The following ANKRD18B variants were observed in gnomAD, a reference collection of about 807,000 sequenced individuals.
ANKRD18B encodes the protein ankyrin repeat domain 18B, also known as ankyrin repeat domain-containing protein 18B.
Under a neutral mutation model 111.8 loss-of-function variants are expected in ANKRD18B, and 75 were observed. The ratio of observed to expected loss-of-function variants is 0.67; its 90% CI spans 0.56 to 0.81. The LOEUF (loss-of-function observed/expected upper bound fraction) is 0.81, where lower values mean the gene tolerates loss of function less well. ANKRD18B is among the 40% of genes least tolerant of loss of function. The pLI is 0.00. For synonymous variants in ANKRD18B, 356 were observed against 417.3 expected (o/e 0.85, Z 1.79); for missense variants, 1,038 against 1,225.5 (o/e 0.85, Z 2.28).
chr9:33,550,959 T>C (rs144395170), intron 12 of ANKRD18B, among the ~76,000 whole-genome samples: 33 of 152,330 alleles, frequency 2.2e-4, no homozygotes, highest in African/African-American at 7.5e-4. Flanking sequence ...AGTTGTCTTA[T>C]TTCTTCACTT....
At chr9:33,559,914 A>G (rs940279735) in intron 14 of ANKRD18B, among the ~76,000 whole-genome samples, 4 of 152,214 alleles carry the variant, frequency 2.6e-5, no homozygotes, top group African/African-American at 7.2e-5. Context: ...GAACACTTTC[A>G]TCACCTTAAA....
At chr9:33,546,174 A>G (rs554125943) in intron 10 of ANKRD18B, among the ~76,000 whole-genome samples, 1 of 152,338 alleles carries the variant, frequency 6.6e-6, no homozygotes, top group Non-Finnish European at 1.5e-5. Flanking sequence ...GTGGGAGGAA[A>G]GCAATGACTG....
At chr9:33,534,155 A>C (rs1039165546) in intron 4 of ANKRD18B, among the ~76,000 whole-genome samples, 4 of 152,176 alleles carry the variant, frequency 2.6e-5, no homozygotes, top group African/African-American at 7.2e-5. Context: ...TGGGACACGA[A>C]GCTTGCTTGT....
intron 17 of ANKRD18B, among the ~76,000 whole-genome samples, chr9:33,570,857 C>T (rs749404171): frequency 6.6e-6 from 1 of 152,012 alleles, no homozygotes; most frequent in Non-Finnish European, 1.5e-5. Context: ...AGGATGGTCG[C>T]GATCTCTTGA....
At chr9:33,524,855 T>G (rs1828004358) in intron 1 of ANKRD18B, among the ~76,000 whole-genome samples, 160 bp downstream of exon 1, 1 of 152,248 alleles carries the variant, frequency 6.6e-6, no homozygotes, top group African/African-American at 2.4e-5. Context: ...CCTGTAGCGC[T>G]TGGTGGATAA....
chr9:33,550,128 G>A lies in ANKRD18B; in HGVS notation c.2068-302G>A, dbSNP rs78862627. ...TACTTTTATTCTGAGGTAGGAATCC[G>A]TTGGAAGGATTTCAACAGGTGACTG... On this transcript the variant is annotated intron_variant, in intron 11 of 18. Transcript: ENST00000684830. Among the ~76,000 whole-genome samples the A allele has an allele frequency of 2.2e-4, 33 of 152,286 alleles. No individual in the cohort carries two copies. The East Asian group carries it at 4.4e-3, about 20-fold the overall frequency.
Position 33,541,176 on chromosome 9 carries a change from A to G in ANKRD18B, c.1027A>G (p.Lys343Glu). ...ETAAMKPENL[K>E]KRKKRKKLKK... ...AGCAGCTATGAAGCCTGAAAATTTGAAAAAAAGAAAAAAAAGAAAAAAATT... is the reference window on the plus strand; with the variant it reads ...AGCAGCTATGAAGCCTGAAAATTTGGAAAAAAGAAAAAAAAGAAAAAAATT... The change falls in exon 9 of 19, where the codon AAA becomes GAA. Residue 343 changes from lysine to glutamate, a missense_variant. Physicochemically the swap from Lys to Glu is moderately conservative, Grantham distance 56 (BLOSUM62 1). This residue lies in a region of ANKRD18B where 205 missense variants were observed against 201.3 expected (regional missense o/e 1.02). Coordinates refer to ENST00000684830, the MANE Select transcript of ANKRD18B (RefSeq NM_001393611.1). 1.3e-6 allele frequency: 2 copies of G among 1,542,888 alleles called. No homozygotes were observed. The highest frequency in any genetic ancestry group is 1.4e-5 in the African/African-American group (1 of 72,156).
intron 4 of ANKRD18B, 48 bp downstream of exon 4, chr9:33,533,593 T>C: frequency 2.0e-6 from 3 of 1,507,272 alleles, no homozygotes; most frequent in Non-Finnish European, 2.7e-6. Context: ...AAAACCTGAG[T>C]GTTCTAGAGT....
chr9:33,524,431 G>A lies in ANKRD18B; in HGVS notation c.-59G>A, dbSNP rs1178408485. ...ATTTGGAGCTGGGTGGGGGTGGAAA[G>A]GCCACGAGGAGCCGCGGCGTCTCAG... On this transcript the variant is annotated 5_prime_UTR_variant, in exon 1 of 19. Transcript: ENST00000684830. 2.0e-6 allele frequency: 3 copies of A among 1,484,848 alleles called. No homozygotes were observed. In the African/African-American group the frequency reaches 4.2e-5, roughly 21 times the overall value. 92.0% of individuals were successfully genotyped at this position (1,484,848 alleles called of 1,614,324 possible). A position where few individuals can be genotyped will look rare whatever the true frequency, so the allele number is the denominator to read the frequency against.
At chr9:33,572,202 A>G (rs531650408) in intron 18 of ANKRD18B, 114 bp from the exon 19 acceptor site, 7 of 778,030 alleles carry the variant, frequency 9.0e-6, no homozygotes, top group South Asian at 4.8e-5. Context: ...TTGCACGTAC[A>G]TATTTCTCAT....
At chr9:33,551,176 A>G (rs892085842) in intron 12 of ANKRD18B, among the ~76,000 whole-genome samples, 14 of 152,258 alleles carry the variant, frequency 9.2e-5, no homozygotes, top group African/African-American at 2.4e-4. Flanking sequence ...GAGTATGTAC[A>G]TCCAAAATAG....
chr9:33,530,798 C>G (rs1156769612), intron 3 of ANKRD18B, among the ~76,000 whole-genome samples: 1 of 152,182 alleles, frequency 6.6e-6, no homozygotes, highest in East Asian at 1.9e-4. Flanking sequence ...CTTTTTGCTT[C>G]CCACCATGAA....
chr9:33,527,611 C>T (rs1455715577), intron 1 of ANKRD18B, among the ~76,000 whole-genome samples: 5 of 152,192 alleles, frequency 3.3e-5, no homozygotes, highest in Admixed American at 6.5e-5. Context: ...TGAGCCACCG[C>T]GCCCGGCCAG....
At chr9:33,545,738 G>A (rs1252026349) in intron 10 of ANKRD18B, among the ~76,000 whole-genome samples, 1 of 152,172 alleles carries the variant, frequency 6.6e-6, no homozygotes, top group African/African-American at 2.4e-5. Context: ...GAATGAGACA[G>A]GCTTGTTACA....
At chr9:33,562,237 C>T (rs1420082311) in intron 14 of ANKRD18B, among the ~76,000 whole-genome samples, 1 of 151,584 alleles carries the variant, frequency 6.6e-6, no homozygotes, top group Non-Finnish European at 1.5e-5. Flanking sequence ...TTCATAGAAT[C>T]ATCCATAGAT....
downstream of ANKRD18B, among the ~76,000 whole-genome samples, chr9:33,574,850 T>C (rs558307446): frequency 6.6e-6 from 1 of 152,296 alleles, no homozygotes; most frequent in South Asian, 2.1e-4. Context: ...CAGGCTCCTG[T>C]TGTGGTGGGT....
At chr9:33,525,568 G>GA (rs1563897291) in intron 1 of ANKRD18B, among the ~76,000 whole-genome samples, 1 of 151,844 alleles carries the variant, frequency 6.6e-6, no homozygotes, top group African/African-American at 2.4e-5. Context: ...AAAAATACCA[G>GA]AAGAAAACAC....
At position 33,572,778 on chromosome 9, in the gene ANKRD18B, G is replaced by C; in HGVS notation, c.*344G>C. The C allele has an allele frequency of 1.0e-6, 1 of 972,722 alleles. No individual in the cohort carries two copies. Among genetic ancestry groups the C allele is most frequent in the East Asian group, 1.0e-4 (1 of 9,622 alleles). The allele number at this position is 972,722 out of a possible 1,614,324, so 60.3% of individuals were successfully genotyped here. A position where few individuals can be genotyped will look rare whatever the true frequency, so the allele number is the denominator to read the frequency against. On this transcript the variant is annotated 3_prime_UTR_variant, in exon 19 of 19. Coordinates refer to ENST00000684830, the MANE Select transcript of ANKRD18B (RefSeq NM_001393611.1). The stretch of plus-strand genomic sequence containing the variant: ...GACTTAAAGAGTATCTGCCAGGTTT[G>C]TCCATACTAGTGTTATGATTTTCTT...
rs142124052 is a variant in ANKRD18B, at chr9:33,566,268, A to G, written c.2510A>G (p.Asn837Ser). The G allele has an allele frequency of 1.3e-3, 2,020 of 1,560,392 alleles. 28 individuals are homozygous for G. The African/African-American group carries it at 0.023, about 18-fold the overall frequency. ...EKEAVSSKCVNLAKDNEVLHQ... is the reference protein window; with the variant it reads ...EKEAVSSKCVSLAKDNEVLHQ... Reference sequence around the variant, plus strand: ...GAAGCTGTATCTTCAAAATGTGTCAATTTGGCCAAAGACAATGAAGTTCTT... The same window carrying G: ...GAAGCTGTATCTTCAAAATGTGTCAGTTTGGCCAAAGACAATGAAGTTCTT... Residue 837 changes from asparagine to serine, a missense_variant, in exon 15 of 19, where the codon AAT becomes AGT. By Grantham distance (46) the Asn-to-Ser change is conservative. Transcript: ENST00000684830.
Sources: allele counts gnomAD v4.1 joint callset (sites outside exome capture counted in the v4.1 genomes callset), GRCh38; gene constraint gnomAD v4.1.1; regional missense constraint gnomAD v4.1.1; transcripts MANE v1.5; gene names NCBI Gene and HGNC (gene_info 2026-07-23, HGNC 2026-07-21).